The following BBS9 variants were observed in gnomAD, a reference collection of about 807,000 sequenced individuals.
The protein encoded by BBS9 is Bardet-Biedl syndrome 9.
A neutral mutation model predicts 117.7 loss-of-function variants in BBS9; 89 were observed. That is an observed-to-expected ratio of 0.76 (90% CI 0.64 to 0.90). BBS9 has a LOEUF of 0.90. Among genes scored for constraint, BBS9 ranks in the 40% least tolerant of loss-of-function variants. The probability of loss-of-function intolerance (pLI) is 0.00; values close to 1 mark genes in which losing one functional copy is unlikely to be tolerated. For synonymous variants in BBS9, 379 were observed against 370.9 expected (o/e 1.02, Z -0.25); for missense variants, 982 against 1,042.2 (o/e 0.94, Z 0.80).
chr7:33,319,959 T>C (rs1182812149), intron 9 of BBS9, among the ~76,000 whole-genome samples: 2 of 152,178 alleles, frequency 1.3e-5, no homozygotes, highest in Non-Finnish European at 2.9e-5. Context: ...TATAAAAAAG[T>C]ATTTTTAATT....
At chr7:33,231,929 G>A (rs1792533629) in intron 5 of BBS9, among the ~76,000 whole-genome samples, 1 of 152,082 alleles carries the variant, frequency 6.6e-6, no homozygotes, top group South Asian at 2.1e-4. Context: ...CTAGATGCCA[G>A]TAGTACCCCT....
chr7:33,494,696 A>T (rs1844480144), intron 19 of BBS9, among the ~76,000 whole-genome samples: 1 of 152,222 alleles, frequency 6.6e-6, no homozygotes, highest in Non-Finnish European at 1.5e-5. Context: ...TTTTAAATTT[A>T]CTTTAGTATT....
chr7:33,561,678 G>A (rs1294471337), intron 21 of BBS9, among the ~76,000 whole-genome samples: 3 of 151,318 alleles, frequency 2.0e-5, no homozygotes, highest in African/African-American at 4.9e-5. Context: ...AGAATTAAAC[G>A]GAGTCAAAAA....
intron 4 of BBS9, among the ~76,000 whole-genome samples, chr7:33,161,571 T>TA (rs1367967899): frequency 1.3e-5 from 2 of 152,150 alleles, no homozygotes; most frequent in Non-Finnish European, 2.9e-5. Flanking sequence ...AATAGTGCCA[T>TA]AAAAAACATA....
At chr7:33,251,062 G>A (rs540475804) in intron 5 of BBS9, among the ~76,000 whole-genome samples, 19 of 152,124 alleles carry the variant, frequency 1.2e-4, no homozygotes, top group African/African-American at 4.6e-4. Context: ...GGAAAAATGC[G>A]CTGATCTACT....
intron 9 of BBS9, among the ~76,000 whole-genome samples, chr7:33,282,747 A>AT (rs1189438199): frequency 6.6e-6 from 1 of 152,148 alleles, no homozygotes; most frequent in Non-Finnish European, 1.5e-5. Flanking sequence ...GAATATATGA[A>AT]TTTTTTATAA....
chr7:33,401,785 T>C (rs1000088392), intron 19 of BBS9, among the ~76,000 whole-genome samples: 3 of 152,132 alleles, frequency 2.0e-5, no homozygotes, highest in African/African-American at 7.2e-5. Flanking sequence ...TGATTCTGTC[T>C]AGAAAAAAGG....
At chr7:33,445,394 A>G (rs936378719) in intron 19 of BBS9, among the ~76,000 whole-genome samples, 3 of 152,186 alleles carry the variant, frequency 2.0e-5, no homozygotes, top group African/African-American at 7.2e-5. Context: ...TTTGCAAAAC[A>G]TGAAGTTTTG....
At chr7:33,305,656 A>G (rs767142318) in intron 9 of BBS9, among the ~76,000 whole-genome samples, 1 of 151,976 alleles carries the variant, frequency 6.6e-6, no homozygotes, top group Non-Finnish European at 1.5e-5. Context: ...GCGTCTAGGA[A>G]TTCATTCATT....
intron 7 of BBS9, 63 bp downstream of exon 7, chr7:33,264,437 C>A: frequency 3.1e-6 from 3 of 955,612 alleles, no homozygotes; most frequent in South Asian, 1.8e-5. Context: ...ATATGTTTGT[C>A]AATAATAATT....
At chr7:33,624,321 A>G (rs6462487) in intron 21 of BBS9, among the ~76,000 whole-genome samples, 56,262 of 152,046 alleles carry the variant, frequency 0.37, 13,967 homozygotes, top group African/African-American at 0.7. Flanking sequence ...CCCACCACCT[A>G]CCACCCACCT....
chr7:33,420,361 T>C (rs1373853704), intron 19 of BBS9, among the ~76,000 whole-genome samples: 1 of 152,180 alleles, frequency 6.6e-6, no homozygotes, highest in Non-Finnish European at 1.5e-5. Context: ...GTCAGTGTCT[T>C]CTCTACAACA....
intron 21 of BBS9, among the ~76,000 whole-genome samples, chr7:33,598,541 G>A (rs1472189114): frequency 2.0e-5 from 3 of 152,152 alleles, no homozygotes; most frequent in Non-Finnish European, 2.9e-5. Flanking sequence ...TTCATTAGTT[G>A]TAACACATGT....
chr7:33,579,960 T>C (rs1181303229), intron 21 of BBS9, among the ~76,000 whole-genome samples: 1 of 152,178 alleles, frequency 6.6e-6, no homozygotes, highest in Non-Finnish European at 1.5e-5. Flanking sequence ...ACACCATAAA[T>C]GCAGCAAAAA....
chr7:33,546,185 G>C (rs1276314511), intron 21 of BBS9, among the ~76,000 whole-genome samples: 1 of 151,782 alleles, frequency 6.6e-6, no homozygotes, highest in Non-Finnish European at 1.5e-5. Context: ...CGCCCACCTC[G>C]GCCTCCCAAA....
chr7:33,607,373 A>G (rs1488338036), downstream of BBS9, among the ~76,000 whole-genome samples: 1 of 152,132 alleles, frequency 6.6e-6, no homozygotes. Flanking sequence ...TGAAAATTCA[A>G]TACTTAATGA....
In BBS9 at chr7:33,576,397, A is replaced by G. The variant is rs563072825; in HGVS notation, c.2522-28468A>G. 7.9e-5 allele frequency among the ~76,000 whole-genome samples: 12 copies of G among 152,278 alleles called. No homozygotes were observed. The South Asian group carries it at 2.5e-3, about 32-fold the overall frequency. On this transcript the variant is annotated intron_variant, in intron 21 of 22. Coordinates refer to ENST00000242067, the MANE Select transcript of BBS9 (RefSeq NM_198428.3). ...GAGAACTACAAACCACTGCTCAACA[A>G]AATAAAAGAGGACATAAAGAAATGG...
At chr7:33,167,449 C>A (rs1318329966) in intron 4 of BBS9, among the ~76,000 whole-genome samples, 1 of 148,824 alleles carries the variant, frequency 6.7e-6, no homozygotes. Context: ...GTTGCCCAGG[C>A]TGGAGTGCAG....
At chr7:33,287,260 A>C (rs1041014556) in intron 9 of BBS9, among the ~76,000 whole-genome samples, 4 of 152,220 alleles carry the variant, frequency 2.6e-5, no homozygotes, top group Non-Finnish European at 5.9e-5. Flanking sequence ...TAATTTCTAC[A>C]AAGAGCTACA....
Sources: gnomAD v4.1 joint callset for allele counts (sites outside exome capture counted in the v4.1 genomes callset) on GRCh38, gnomAD v4.1.1 for gene constraint, MANE v1.5 for transcripts, NCBI Gene and HGNC (gene_info 2026-07-23, HGNC 2026-07-21) for gene names.